LHPP: variants seen among roughly 807,000 people sequenced by gnomAD.
The protein encoded by LHPP is phospholysine phosphohistidine inorganic pyrophosphate phosphatase, also known as hLHPP.
Under a neutral mutation model 30.3 loss-of-function variants are expected in LHPP, and 24 were observed. That is an observed-to-expected ratio of 0.79 (90% CI 0.57 to 1.11). The LOEUF (loss-of-function observed/expected upper bound fraction) is 1.11. LHPP is among the 50% of genes most tolerant of loss of function. The pLI, the probability that LHPP is intolerant of heterozygous loss-of-function variation, is 0.00. For synonymous variants in LHPP, 150 were observed against 157.1 expected, an observed-to-expected ratio of 0.95 and a Z score of 0.34; for missense variants, 356 against 367.2, an observed-to-expected ratio of 0.97 and a Z score of 0.25.
chr10:124,602,115 G>C (rs1949030963), intron 6 of LHPP, among the ~76,000 whole-genome samples: 1 of 152,224 alleles, frequency 6.6e-6, no homozygotes, highest in Admixed American at 6.5e-5. Context: ...GAGACACCCA[G>C]ATGCAGGCTA....
intron 6 of LHPP, 91 bp from the exon 7 acceptor site, chr10:124,613,172 AG>A (rs1949223993): frequency 9.9e-7 from 1 of 1,007,628 alleles, no homozygotes; most frequent in Non-Finnish European, 1.6e-6. Context: ...CCTCAAGCTA[AG>A]GCCAGGCCCA....
rs986845158 is a variant in LHPP at position 124,613,217 on chromosome 10, AG to A, written c.717-43del. ...GCTGGGAGGGTGGGTGTGGCTGCAG[AG>A]GGGTCAGCGTGGGGGCACTGACTAA... On this transcript the variant is annotated intron_variant, in intron 6 of 6. Transcript: ENST00000368842. 7.9e-6 allele frequency: 11 copies of A among 1,390,262 alleles called. 1 individual carries two copies. The South Asian group carries it at 1.2e-4, about 15-fold the overall frequency. 86.1% of individuals were successfully genotyped at this position (1,390,262 alleles called of 1,614,324 possible).
intron 6 of LHPP, among the ~76,000 whole-genome samples, chr10:124,584,897 T>C (rs1311875523): frequency 6.6e-6 from 1 of 152,100 alleles, no homozygotes; most frequent in Non-Finnish European, 1.5e-5. Context: ...TCCACCCCTG[T>C]CCTCACGCGA....
rs74160941 is a variant in LHPP at position 124,579,168 on chromosome 10, C to T, written c.717-34096C>T. On this transcript the variant is annotated intron_variant, in intron 6 of 6. Transcript: ENST00000368842. ...ATTCCCCAGAGGAGCTTACGGACAG[C>T]CCCTCTTTAAGGAACATCTCCCGGG... is the stretch of plus-strand genomic sequence containing the variant. Among the ~76,000 whole-genome samples, 944 of 152,340 alleles carry T rather than the reference C, an allele frequency of 6.2e-3. 7 individuals carry two copies. The highest frequency in any genetic ancestry group is 0.022 in the African/African-American group (906 of 41,586).
intron 6 of LHPP, among the ~76,000 whole-genome samples, chr10:124,530,695 C>T (rs868357125): frequency 1.8e-4 from 27 of 152,238 alleles, no homozygotes; most frequent in South Asian, 6.2e-4. Context: ...GCCCCAGCTC[C>T]AAGAACCACG....
chr10:124,495,427 G>A (rs528648698), intron 3 of LHPP, among the ~76,000 whole-genome samples: 26 of 152,352 alleles, frequency 1.7e-4, no homozygotes, highest in Admixed American at 3.9e-4. Context: ...GCTGAAGCCC[G>A]TACCTGCAGC....
Position 124,592,357 on chromosome 10 carries a change from C to T in LHPP, c.717-20907C>T, listed in dbSNP as rs534979518. On this transcript the variant is annotated intron_variant, in intron 6 of 6. Coordinates refer to ENST00000368842, the MANE Select transcript of LHPP (RefSeq NM_022126.4). This position sits in a 1 kb window ranked among gnomAD's most constrained non-coding sequence, Gnocchi z 6.2. ...CCCAGCCCCGGGCTGGCCCTGTCAG[C>T]TCTCGAACTGCAGCATACCCGAGCT... 6.6e-6 allele frequency among the ~76,000 whole-genome samples: 1 copy of T among 152,326 alleles called. No homozygotes were observed. The highest frequency in any genetic ancestry group is 2.1e-4 in the South Asian group (1 of 4,826).
chr10:124,520,939 A>G (rs1954595259), intron 6 of LHPP, among the ~76,000 whole-genome samples: 1 of 152,168 alleles, frequency 6.6e-6, no homozygotes, highest in African/African-American at 2.4e-5. Flanking sequence ...TGAAATGCTG[A>G]TATTTCGTGT....
At chr10:124,602,194 A>G (rs916291164) in intron 6 of LHPP, among the ~76,000 whole-genome samples, 1 of 152,204 alleles carries the variant, frequency 6.6e-6, no homozygotes, top group Non-Finnish European at 1.5e-5. Context: ...AGGGAGACGA[A>G]CCAGGTTTAA....
At chr10:124,528,694 T>C (rs1183383872) in intron 6 of LHPP, among the ~76,000 whole-genome samples, 1 of 152,206 alleles carries the variant, frequency 6.6e-6, no homozygotes. Context: ...TGGTCCCCAC[T>C]GCCCACGGGA....
rs896260876 is a variant in LHPP at position 124,478,778 on chromosome 10, G to T, written c.126-5361G>T. On this transcript the variant is annotated intron_variant, in intron 1 of 6. Coordinates refer to ENST00000368842, the MANE Select transcript of LHPP (RefSeq NM_022126.4). The surrounding 1 kb of genome is among the most constrained non-coding windows in gnomAD (Gnocchi z 4.7). Reference sequence around the variant, plus strand: ...CAAAGATCCAGTTTGGGCCAGGCGCGGTGGCTCAGGCCGGGTGCCATGGCT... The same window carrying T: ...CAAAGATCCAGTTTGGGCCAGGCGCTGTGGCTCAGGCCGGGTGCCATGGCT... 6.6e-6 allele frequency among the ~76,000 whole-genome samples: 1 copy of T among 152,294 alleles called. No individual in the cohort carries two copies. Among genetic ancestry groups the T allele is most frequent in the East Asian group, 1.9e-4 (1 of 5,168 alleles).
At chr10:124,465,396 TTA>T (rs1461320193) in intron 1 of LHPP, among the ~76,000 whole-genome samples, 2 of 152,160 alleles carry the variant, frequency 1.3e-5, no homozygotes, top group African/African-American at 4.8e-5. Flanking sequence ...GTGGTCTGAT[TTA>T]TATGTTTTAA....
intron 6 of LHPP, among the ~76,000 whole-genome samples, chr10:124,573,285 G>T (rs1948613342): frequency 6.6e-6 from 1 of 152,124 alleles, no homozygotes; most frequent in East Asian, 1.9e-4. Context: ...ACTGACATTG[G>T]TACCCACACT....
intron 5 of LHPP, among the ~76,000 whole-genome samples, chr10:124,503,039 G>C (rs1407433561): frequency 6.6e-6 from 1 of 151,580 alleles, no homozygotes; most frequent in Non-Finnish European, 1.5e-5. Context: ...CTGATCATTA[G>C]TTCTAATTTT....
At chr10:124,512,886 A>C (rs1368688609) in intron 5 of LHPP, among the ~76,000 whole-genome samples, 1 of 152,114 alleles carries the variant, frequency 6.6e-6, no homozygotes, top group Non-Finnish European at 1.5e-5. Context: ...CCCTTCCCCC[A>C]GATGGAGAGC....
At chr10:124,582,477 A>T (rs1392704882) in intron 6 of LHPP, among the ~76,000 whole-genome samples, 1 of 152,238 alleles carries the variant, frequency 6.6e-6, no homozygotes, top group African/African-American at 2.4e-5. Context: ...TTTATCAAAT[A>T]TATGATTTAC....
intron 6 of LHPP, among the ~76,000 whole-genome samples, chr10:124,587,604 G>A (rs7901674): frequency 0.16 from 23,870 of 151,532 alleles, 2,124 homozygotes; most frequent in Non-Finnish European, 0.2. Context: ...GCCAGGCATG[G>A]TGGCACACTC....
At chr10:124,543,261 C>A (rs34548073) in intron 6 of LHPP, among the ~76,000 whole-genome samples, 18,765 of 152,286 alleles carry the variant, frequency 0.12, 1,468 homozygotes, top group Non-Finnish European at 0.16. Flanking sequence ...GGGCGCACTC[C>A]CCAGAGGGAC....
At chr10:124,491,951 A>C (rs1384010780) in intron 3 of LHPP, among the ~76,000 whole-genome samples, 2 of 152,216 alleles carry the variant, frequency 1.3e-5, no homozygotes, top group African/African-American at 4.8e-5. Context: ...CCTTAAATGT[A>C]TTTTTGAGGC....
Sources: allele counts gnomAD v4.1 joint callset (sites outside exome capture counted in the v4.1 genomes callset), GRCh38; gene constraint gnomAD v4.1.1; non-coding constraint Gnocchi (gnomAD v3.1); transcripts MANE v1.5; gene names NCBI Gene and HGNC (gene_info 2026-07-23, HGNC 2026-07-21).